The following KHDRBS2 variants were observed in gnomAD, a reference collection of about 807,000 sequenced individuals.
KHDRBS2 encodes the protein KH domain-containing, RNA-binding, signal transduction-associated protein 2.
Under a neutral mutation model 44.3 loss-of-function variants are expected in KHDRBS2, and 26 were observed. That is an observed-to-expected ratio of 0.59 (90% confidence interval 0.43 to 0.81). The LOEUF (loss-of-function observed/expected upper bound fraction) is 0.81. Among genes scored for constraint, KHDRBS2 ranks in the 40% least tolerant of loss-of-function variants. KHDRBS2 has a pLI of 0.00. For synonymous variants in KHDRBS2, 194 were observed against 151.1 expected, an observed-to-expected ratio of 1.28 and a Z score of -2.08; for missense variants, 476 against 433.1, an observed-to-expected ratio of 1.10 and a Z score of -0.88.
intron 4 of KHDRBS2, among the ~76,000 whole-genome samples, chr6:61,911,150 G>C (rs775604440): frequency 2.0e-5 from 3 of 152,104 alleles, no homozygotes; most frequent in Non-Finnish European, 4.4e-5. Flanking sequence ...AGGTCCCGTG[G>C]GTGATATTTT....
chr6:62,080,379 T>A (rs1166085205), intron 2 of KHDRBS2, among the ~76,000 whole-genome samples: 1 of 152,036 alleles, frequency 6.6e-6, no homozygotes, highest in Non-Finnish European at 1.5e-5. Context: ...AAGGATAATA[T>A]CAAAAACAGT....
intron 4 of KHDRBS2, among the ~76,000 whole-genome samples, chr6:61,940,219 T>A (rs569415923): frequency 1.2e-3 from 179 of 149,570 alleles, no homozygotes; most frequent in Middle Eastern, 7.1e-3. Context: ...TCTTTGAAAA[T>A]AGTGTAGTGG....
At chr6:61,799,197 G>A (rs1220087237) in intron 6 of KHDRBS2, among the ~76,000 whole-genome samples, 1 of 151,952 alleles carries the variant, frequency 6.6e-6, no homozygotes, top group Non-Finnish European at 1.5e-5. Flanking sequence ...GCATTAAATA[G>A]GCAGTCAGAG....
the KHDRBS2 span, among the ~76,000 whole-genome samples, chr6:61,607,670 C>T: frequency 0.14 from 20,919 of 151,738 alleles, 1,984 homozygotes; most frequent in South Asian, 0.27. Flanking sequence ...TTATGAATAG[C>T]CCAAAAATCA....
At chr6:61,868,878 G>T (rs1759293252) in intron 6 of KHDRBS2, among the ~76,000 whole-genome samples, 1 of 152,174 alleles carries the variant, frequency 6.6e-6, no homozygotes, top group African/African-American at 2.4e-5. Context: ...TTGGACTGGA[G>T]CATGTAAAGG....
intron 3 of KHDRBS2, among the ~76,000 whole-genome samples, chr6:62,018,819 G>C (rs191720001): frequency 1.2e-4 from 19 of 152,150 alleles, no homozygotes; most frequent in African/African-American, 3.9e-4. Context: ...AAATAGTACA[G>C]ATTTTAAAAA....
At chr6:62,141,512 A>C (rs1734165234) in intron 2 of KHDRBS2, among the ~76,000 whole-genome samples, 1 of 152,190 alleles carries the variant, frequency 6.6e-6, no homozygotes, top group Non-Finnish European at 1.5e-5. Flanking sequence ...TTTGAGTGTT[A>C]GTGAAGCAGA....
At chr6:61,906,672 C>T (rs1358561213) in intron 4 of KHDRBS2, among the ~76,000 whole-genome samples, 2 of 152,206 alleles carry the variant, frequency 1.3e-5, no homozygotes, top group East Asian at 3.9e-4. Context: ...CTGTGCCAGG[C>T]TTATTTTGCT....
At chr6:62,054,176 C>T (rs1013224817) in intron 2 of KHDRBS2, among the ~76,000 whole-genome samples, 7 of 151,958 alleles carry the variant, frequency 4.6e-5, no homozygotes, top group African/African-American at 1.4e-4. Flanking sequence ...ATTAGTTGGT[C>T]CTAAAATTTG....
chr6:62,284,623 C>T (rs1056409067), intron 1 of KHDRBS2, among the ~76,000 whole-genome samples: 1 of 151,952 alleles, frequency 6.6e-6, no homozygotes, highest in African/African-American at 2.4e-5. Flanking sequence ...ATCTATAAAA[C>T]TAGCTTTTTC....
At chr6:62,281,399 A>G (rs917669349) in intron 1 of KHDRBS2, among the ~76,000 whole-genome samples, 5 of 152,096 alleles carry the variant, frequency 3.3e-5, no homozygotes, top group African/African-American at 9.7e-5. Flanking sequence ...AGGCAGGTCA[A>G]TCACAAAATT....
At chr6:62,030,896 A>G (rs1251798247) in intron 3 of KHDRBS2, among the ~76,000 whole-genome samples, 1 of 152,108 alleles carries the variant, frequency 6.6e-6, no homozygotes, top group Non-Finnish European at 1.5e-5. Context: ...AATTACCATC[A>G]ATAGGAGAAT....
chr6:62,094,088 T>A (rs1278052566), intron 2 of KHDRBS2, among the ~76,000 whole-genome samples: 1 of 151,902 alleles, frequency 6.6e-6, no homozygotes, highest in African/African-American at 2.4e-5. Flanking sequence ...TTTTTAATAT[T>A]TTGAGAAACC....
At chr6:61,972,834 C>T (rs934925917) in intron 4 of KHDRBS2, among the ~76,000 whole-genome samples, 3 of 152,130 alleles carry the variant, frequency 2.0e-5, no homozygotes, top group Non-Finnish European at 4.4e-5. Flanking sequence ...ATTGTTTTCC[C>T]TATATATTCA....
intron 2 of KHDRBS2, among the ~76,000 whole-genome samples, chr6:62,048,336 G>A (rs567692445): frequency 2.0e-5 from 3 of 151,736 alleles, no homozygotes; most frequent in African/African-American, 7.2e-5. Flanking sequence ...ATTTCTAAAG[G>A]CTTTTTCTCT....
At chr6:61,904,100 C>T (rs1044728764) in intron 4 of KHDRBS2, among the ~76,000 whole-genome samples, 9 of 152,160 alleles carry the variant, frequency 5.9e-5, no homozygotes, top group Admixed American at 1.3e-4. Context: ...ATTTCAGGAG[C>T]GTACTTCAGC....
chr6:61,767,381 T>C (rs1201655668), intron 6 of KHDRBS2, among the ~76,000 whole-genome samples: 1 of 152,120 alleles, frequency 6.6e-6, no homozygotes, highest in Non-Finnish European at 1.5e-5. Context: ...GTAGGCAACA[T>C]ATCATTTGGT....
chr6:62,156,917 C>T (rs910695692), intron 2 of KHDRBS2, among the ~76,000 whole-genome samples: 3 of 148,540 alleles, frequency 2.0e-5, no homozygotes, highest in African/African-American at 7.4e-5. Context: ...GATCTCCGGA[C>T]CTCGTGATCC....
intron 8 of KHDRBS2, among the ~76,000 whole-genome samples, chr6:61,687,836 T>A (rs1336992545): frequency 6.6e-6 from 1 of 151,830 alleles, no homozygotes; most frequent in Non-Finnish European, 1.5e-5. Context: ...AAGAACAATA[T>A]TCCAGGTAGT....
Sources: allele counts gnomAD v4.1 joint callset (sites outside exome capture counted in the v4.1 genomes callset), GRCh38; gene constraint gnomAD v4.1.1; transcripts MANE v1.5; gene names NCBI Gene and HGNC (gene_info 2026-07-23, HGNC 2026-07-21).